Variants in KMT2C observed in about 807,000 individuals in gnomAD.
KMT2C encodes lysine methyltransferase 2C, also known as histone-lysine N-methyltransferase 2C.
In KMT2C, 88 loss-of-function variants were observed where a neutral mutation model predicts 507.9. That is an observed-to-expected ratio of 0.17 (90% CI 0.15 to 0.21). KMT2C has a LOEUF of 0.21. Ranked by LOEUF, KMT2C falls within the 10% of genes least tolerant of loss-of-function variation. The pLI is 1.00. For synonymous variants in KMT2C, 2,049 were observed against 2,080.8 expected, an observed-to-expected ratio of 0.98 and a Z score of 0.42; for missense variants, 4,954 against 5,957.8, an observed-to-expected ratio of 0.83 and a Z score of 5.55.
chr7:152,158,294 G>A (rs766970445), intron 44 of KMT2C, among the ~76,000 whole-genome samples: 7 of 152,198 alleles, frequency 4.6e-5, no homozygotes, highest in Non-Finnish European at 1.0e-4. Context: ...TTTGGATTCA[G>A]AGTCACAACA....
At chr7:152,303,004 T>C (rs1256023572) in intron 6 of KMT2C, among the ~76,000 whole-genome samples, 4 of 152,138 alleles carry the variant, frequency 2.6e-5, no homozygotes, top group Admixed American at 2.6e-4. Flanking sequence ...AATGAAAATA[T>C]TCCCTCAGTA....
At chr7:152,326,916 A>C (rs980192866) in intron 3 of KMT2C, among the ~76,000 whole-genome samples, 1 of 152,198 alleles carries the variant, frequency 6.6e-6, no homozygotes, top group Non-Finnish European at 1.5e-5. Context: ...CATTAAATTC[A>C]ATCTGTTCAT....
chr7:152,402,549 C>T (rs2097580356), intron 1 of KMT2C, among the ~76,000 whole-genome samples: 1 of 152,052 alleles, frequency 6.6e-6, no homozygotes, highest in African/African-American at 2.4e-5. Flanking sequence ...GAATTCATGA[C>T]TAAGACCTCA....
At chr7:152,221,118 G>A (rs796941904) in intron 22 of KMT2C, among the ~76,000 whole-genome samples, 13 of 152,252 alleles carry the variant, frequency 8.5e-5, no homozygotes, top group Admixed American at 3.9e-4. Flanking sequence ...TTAGCCAGGC[G>A]TGGTGGCGGG....
chr7:152,410,001 G>T (rs559366526), intron 1 of KMT2C, among the ~76,000 whole-genome samples: 38 of 152,360 alleles, frequency 2.5e-4, no homozygotes, highest in African/African-American at 8.7e-4. Context: ...AACTAAAGGG[G>T]GAGGGGATAT....
intron 6 of KMT2C, among the ~76,000 whole-genome samples, chr7:152,278,000 A>G (rs2096118175): frequency 6.6e-6 from 1 of 152,222 alleles, no homozygotes; most frequent in African/African-American, 2.4e-5. Context: ...CATATATAAT[A>G]TGAAATAAAT....
At chr7:152,369,781 C>A (rs1490505490) in intron 1 of KMT2C, among the ~76,000 whole-genome samples, 1 of 152,226 alleles carries the variant, frequency 6.6e-6, no homozygotes, top group Non-Finnish European at 1.5e-5. Context: ...TCTTAGATTT[C>A]TCAGCCTCCA....
rs1470990697 is a variant in KMT2C at position 152,147,033 on chromosome 7, C to T, written c.13895-298G>A. Reference sequence around the variant, plus strand: ...ATTTACTTTCATAGTGGCCATATAACATACCAGATTTTAAAATGATTAGTC... The same window carrying T: ...ATTTACTTTCATAGTGGCCATATAATATACCAGATTTTAAAATGATTAGTC... On this transcript the variant is annotated intron_variant, in intron 52 of 58. Coordinates refer to ENST00000262189, the MANE Select transcript of KMT2C (RefSeq NM_170606.3). Among the ~76,000 whole-genome samples, 7 of 152,158 alleles carry T rather than the reference C, an allele frequency of 4.6e-5. No homozygotes were observed. The South Asian group carries it at 1.2e-3, about 27-fold the overall frequency.
At chr7:152,356,616 C>T (rs1020396252) in intron 2 of KMT2C, among the ~76,000 whole-genome samples, 4 of 151,110 alleles carry the variant, frequency 2.6e-5, no homozygotes, top group African/African-American at 7.3e-5. Context: ...TCAGGCACGG[C>T]GCGGTGACTC....
chr7:152,156,061 G>T lies in KMT2C; in HGVS notation c.11813-4C>A. 1 of 1,595,284 alleles carries T rather than the reference G, an allele frequency of 6.3e-7. No individual in the cohort carries two copies. Among genetic ancestry groups the T allele is most frequent in the Non-Finnish European group, 8.5e-7 (1 of 1,173,160 alleles). ...TTAGGTCCTAGAGTTTTGGTAACTG[G>T]AAAAGCAAAAACACAAAACCATAAA... is the stretch of plus-strand genomic sequence containing the variant. On this transcript the variant is annotated splice_region_variant and splice_polypyrimidine_tract_variant and intron_variant, in intron 45 of 58. Coordinates refer to ENST00000262189, the MANE Select transcript of KMT2C (RefSeq NM_170606.3).
At chr7:152,411,979 TTAAA>T (rs66577827) in intron 1 of KMT2C, among the ~76,000 whole-genome samples, 26 of 151,820 alleles carry the variant, frequency 1.7e-4, no homozygotes, top group African/African-American at 5.5e-4. Context: ...AGCAAAAAAT[TTAAA>T]TAAATAAATA....
chr7:152,415,144 T>C (rs1181744935), intron 1 of KMT2C, among the ~76,000 whole-genome samples: 1 of 152,192 alleles, frequency 6.6e-6, no homozygotes, highest in Admixed American at 6.5e-5. Flanking sequence ...GCCTTCAATA[T>C]TTTCTGGATG....
intron 24 of KMT2C, among the ~76,000 whole-genome samples, chr7:152,206,338 T>TA (rs1207379602): frequency 6.6e-6 from 1 of 151,778 alleles, no homozygotes; most frequent in Non-Finnish European, 1.5e-5. Context: ...CTGCAATGTC[T>TA]AAAAAAGTAC....
rs780978057 is a variant in KMT2C, at chr7:152,148,299, TCTC to T, written c.13625_13627del (p.Gly4542del). ...ACCCACGCGAAAGGTATGGTCCCGT[TCTC>T]CTCGTTGCACGATGCTAGCAATCTG... On this transcript the variant is annotated inframe_deletion, in exon 52 of 59. Coordinates refer to ENST00000262189, the MANE Select transcript of KMT2C (RefSeq NM_170606.3). The surrounding 1 kb of genome is among the most constrained non-coding windows in gnomAD (Gnocchi z 7.1). The T allele has an allele frequency of 8.7e-6, 14 of 1,614,088 alleles. No homozygotes were observed. The East Asian group carries it at 2.5e-4, about 28-fold the overall frequency.
At chr7:152,164,337 T>C (rs2092624366) in intron 42 of KMT2C, among the ~76,000 whole-genome samples, 1 of 151,402 alleles carries the variant, frequency 6.6e-6, no homozygotes, top group Non-Finnish European at 1.5e-5. Context: ...TCGCCCAGGC[T>C]GGAGTGCAGT....
At chr7:152,395,063 G>A (rs73730064) in intron 1 of KMT2C, among the ~76,000 whole-genome samples, 3 of 151,966 alleles carry the variant, frequency 2.0e-5, no homozygotes, top group Admixed American at 6.6e-5. Flanking sequence ...TAACTCAATC[G>A]TAAGGCATGC....
At chr7:152,271,815 TTAAGA>T (rs1280847803) in intron 7 of KMT2C, among the ~76,000 whole-genome samples, 16 of 152,114 alleles carry the variant, frequency 1.1e-4, no homozygotes, top group South Asian at 6.2e-4. Flanking sequence ...GGTGGCTACT[TTAAGA>T]TAATTTTTCA....
At position 152,417,886 on chromosome 7, in the gene KMT2C, C is replaced by G. The variant is rs929206511; in HGVS notation, c.161+17740G>C. ...CTCAATCTCTTCACCTCGTCATCCA[C>G]CCACCTCGGCCTCCCAAAGTGCTGG... On this transcript the variant is annotated intron_variant, in intron 1 of 58. Transcript: ENST00000262189. Among the ~76,000 whole-genome samples the G allele has an allele frequency of 3.3e-5, 5 of 150,010 alleles. No homozygotes were observed. In the South Asian group the frequency reaches 8.5e-4, roughly 26 times the overall value.
intron 18 of KMT2C, among the ~76,000 whole-genome samples, chr7:152,228,795 A>T (rs1009394945): frequency 3.3e-5 from 5 of 152,174 alleles, no homozygotes; most frequent in African/African-American, 1.2e-4. Context: ...GAAAAGAAAC[A>T]TGTTTTATGC....
Sources: allele counts gnomAD v4.1 joint callset (sites outside exome capture counted in the v4.1 genomes callset), GRCh38; gene constraint gnomAD v4.1.1; non-coding constraint Gnocchi (gnomAD v3.1); transcripts MANE v1.5; gene names NCBI Gene and HGNC (gene_info 2026-07-23, HGNC 2026-07-21).